AP1AR: variants seen among roughly 807,000 people sequenced by gnomAD.
The protein encoded by AP1AR is AP-1 complex-associated regulatory protein.
In AP1AR, 29 loss-of-function variants were observed where a neutral mutation model predicts 46.3. That is an observed-to-expected ratio of 0.63 (90% CI 0.47 to 0.85). The LOEUF (loss-of-function observed/expected upper bound fraction) is 0.85. Among genes scored for constraint, AP1AR ranks in the 40% least tolerant of loss-of-function variants. The pLI, the probability that AP1AR is intolerant of heterozygous loss-of-function variation, is 0.00. For missense variants in AP1AR, 357 were observed against 356.3 expected, an observed-to-expected ratio of 1.00 and a Z score of -0.02; for synonymous variants, 122 against 122.9, an observed-to-expected ratio of 0.99 and a Z score of 0.05.
intron 1 of AP1AR, among the ~76,000 whole-genome samples, chr4:112,242,182 A>T (rs1460588231): frequency 6.6e-6 from 1 of 152,222 alleles, no homozygotes; most frequent in Non-Finnish European, 1.5e-5. Context: ...CCTATTCTTA[A>T]CAAGACTGGT....
intron 5 of AP1AR, among the ~76,000 whole-genome samples, chr4:112,261,394 T>G (rs1726436054): frequency 6.6e-6 from 1 of 152,082 alleles, no homozygotes; most frequent in African/African-American, 2.4e-5. Context: ...ATCATGCCAC[T>G]GCACTCCAGC....
At chr4:112,244,632 C>G (rs1052150474) in intron 1 of AP1AR, among the ~76,000 whole-genome samples, 8 of 152,036 alleles carry the variant, frequency 5.3e-5, no homozygotes, top group African/African-American at 1.7e-4. Flanking sequence ...TTTTGTACAT[C>G]AACTCCCAAA....
At chr4:112,258,428 G>T (rs1726299068) in intron 4 of AP1AR, among the ~76,000 whole-genome samples, 1 of 152,172 alleles carries the variant, frequency 6.6e-6, no homozygotes, top group Non-Finnish European at 1.5e-5. Flanking sequence ...TTAGAAGAAA[G>T]AACATCCTGG....
chr4:112,233,672 T>C (rs1725117576), intron 1 of AP1AR, among the ~76,000 whole-genome samples: 1 of 152,252 alleles, frequency 6.6e-6, no homozygotes, highest in African/African-American at 2.4e-5. Context: ...GACTACATGA[T>C]GTGTCTGTGG....
At chr4:112,266,819 C>A (rs1726730378) in intron 9 of AP1AR, 103 bp downstream of exon 9, 4 of 1,122,676 alleles carry the variant, frequency 3.6e-6, no homozygotes, top group Non-Finnish European at 4.9e-6. Flanking sequence ...AATTCAAGGC[C>A]TTGAAAAATC....
At chr4:112,266,521 A>G in intron 8 of AP1AR, 67 bp from the exon 9 acceptor site, 1 of 1,470,964 alleles carries the variant, frequency 6.8e-7, no homozygotes, top group African/African-American at 1.4e-5. Context: ...AATTGTTACA[A>G]AATAAAACGG....
At chr4:112,250,638 A>T (rs1469957104) in intron 1 of AP1AR, among the ~76,000 whole-genome samples, 1 of 152,230 alleles carries the variant, frequency 6.6e-6, no homozygotes, top group Non-Finnish European at 1.5e-5. Flanking sequence ...GATAAGTCAC[A>T]GGATAAAGCT....
chr4:112,271,449 G>A lies in AP1AR; in HGVS notation c.*3040G>A, dbSNP rs1206261870. 1.3e-5 allele frequency among the ~76,000 whole-genome samples: 2 copies of A among 152,230 alleles called. No individual in the cohort carries two copies. Among genetic ancestry groups the A allele is most frequent in the Non-Finnish European group, 2.9e-5 (2 of 68,042 alleles). ...TCTGTCATCTTGTCCCCTTGGTTCA[G>A]TGTCATCCAGGGATGTCCCTAAGGA... On this transcript the variant is annotated 3_prime_UTR_variant, in exon 10 of 10. Coordinates refer to ENST00000274000, the MANE Select transcript of AP1AR (RefSeq NM_018569.6).
In AP1AR at chr4:112,271,741, T is replaced by C. The variant is rs1578427755; in HGVS notation, c.*3332T>C. Among the ~76,000 whole-genome samples the C allele has an allele frequency of 6.6e-6, 1 of 152,140 alleles. No homozygotes were observed. The highest frequency in any genetic ancestry group is 1.9e-4 in the East Asian group (1 of 5,194). ...TTAACTTTGAGGTGTTCATAAGATATTTGGATGAAGATGTCAAGTAGGTGA... is the reference window on the plus strand; with the variant it reads ...TTAACTTTGAGGTGTTCATAAGATACTTGGATGAAGATGTCAAGTAGGTGA... On this transcript the variant is annotated 3_prime_UTR_variant, in exon 10 of 10. Transcript: ENST00000274000.
At chr4:112,237,734 C>T (rs1725315611) in intron 1 of AP1AR, among the ~76,000 whole-genome samples, 1 of 152,122 alleles carries the variant, frequency 6.6e-6, no homozygotes, top group African/African-American at 2.4e-5. Context: ...GTTGGAATTA[C>T]AGTTGTGAGC....
In AP1AR at chr4:112,250,632, A is replaced by G. The variant is rs76864092; in HGVS notation, c.84-2576A>G. Among the ~76,000 whole-genome samples the G allele has an allele frequency of 3.6e-3, 543 of 152,328 alleles. 1 individual carries two copies. Among genetic ancestry groups the G allele is most frequent in the African/African-American group, 0.012 (507 of 41,584 alleles). The stretch of plus-strand genomic sequence containing the variant: ...TTATGTTTCTTGGTATTTTCAGATA[A>G]GTCACAGGATAAAGCTCCCCTGATA... On this transcript the variant is annotated intron_variant, in intron 1 of 9. Transcript: ENST00000274000.
intron 1 of AP1AR, among the ~76,000 whole-genome samples, chr4:112,240,775 A>G (rs950404749): frequency 6.6e-6 from 1 of 152,090 alleles, no homozygotes; most frequent in Non-Finnish European, 1.5e-5. Context: ...CTGTGTGTCT[A>G]CCCTGTTAGA....
intron 1 of AP1AR, among the ~76,000 whole-genome samples, chr4:112,234,120 A>G (rs966741720): frequency 6.6e-6 from 1 of 152,208 alleles, no homozygotes; most frequent in Non-Finnish European, 1.5e-5. Flanking sequence ...TGGCCTCCCA[A>G]AGTGCTGGGA....
At position 112,268,329 on chromosome 4, in the gene AP1AR, T is replaced by C; in HGVS notation, c.829T>C (p.Tyr277His). The change falls in exon 10 of 10, where the codon TAT becomes CAT. Residue 277 changes from tyrosine (Y) to histidine (H), a missense_variant. Coordinates refer to ENST00000274000, the MANE Select transcript of AP1AR (RefSeq NM_018569.6). ...AEMDDNGNSEYSGFVNPVLEL... is the reference protein window; with the variant it reads ...AEMDDNGNSEHSGFVNPVLEL... ...AATGGATGATAATGGAAATTCCGAGTATTCTGGATTTGTAAATCCTGTATT... is the reference window on the plus strand; with the variant it reads ...AATGGATGATAATGGAAATTCCGAGCATTCTGGATTTGTAAATCCTGTATT... 6.2e-7 allele frequency: 1 copy of C among 1,613,100 alleles called. No individual in the cohort carries two copies. Among genetic ancestry groups the C allele is most frequent in the Non-Finnish European group, 8.5e-7 (1 of 1,179,362 alleles).
rs1179636991 is a variant in AP1AR, at chr4:112,255,045, C to T, written c.159+272C>T. On this transcript the variant is annotated intron_variant, in intron 3 of 9. Transcript: ENST00000274000. ...GCGGGATCTCGGCTCACTGCAAGCT[C>T]CGCCTCCCGGGTCACGCCATTCTCC... Among the ~76,000 whole-genome samples the T allele has an allele frequency of 4.0e-5, 6 of 151,778 alleles. No individual in the cohort carries two copies. The South Asian group carries it at 8.3e-4, about 21-fold the overall frequency.
intron 1 of AP1AR, among the ~76,000 whole-genome samples, chr4:112,252,585 A>G (rs1433225305): frequency 6.6e-6 from 1 of 152,270 alleles, no homozygotes; most frequent in African/African-American, 2.4e-5. Context: ...TAAGTTTAAT[A>G]GGAGCAGGAA....
At chr4:112,267,944 A>G (rs376482824) in intron 9 of AP1AR, among the ~76,000 whole-genome samples, 200 bp from the exon 10 acceptor site, 10 of 151,908 alleles carry the variant, frequency 6.6e-5, no homozygotes, top group East Asian at 5.8e-4. Context: ...GACTGTTAAT[A>G]TTTATTTTTA....
At chr4:112,248,100 G>A (rs1245212007) in intron 1 of AP1AR, among the ~76,000 whole-genome samples, 2 of 152,198 alleles carry the variant, frequency 1.3e-5, no homozygotes, top group East Asian at 3.8e-4. Context: ...AGGAAATACA[G>A]GGGATAGAAG....
At chr4:112,265,196 A>G in intron 7 of AP1AR, 129 bp downstream of exon 7, 2 of 647,420 alleles carry the variant, frequency 3.1e-6, no homozygotes, top group Non-Finnish European at 5.1e-6. Flanking sequence ...TATTCCTTCT[A>G]AAAGACATTG....
Sources: gnomAD v4.1 joint callset for allele counts (sites outside exome capture counted in the v4.1 genomes callset) on GRCh38, gnomAD v4.1.1 for gene constraint, MANE v1.5 for transcripts, NCBI Gene and HGNC (gene_info 2026-07-23, HGNC 2026-07-21) for gene names.